The following WDPCP variants were observed in gnomAD, a reference collection of about 807,000 sequenced individuals.
The protein encoded by WDPCP is WD repeat-containing and planar cell polarity effector protein fritz homolog.
In WDPCP, 71 loss-of-function variants were observed where a neutral mutation model predicts 93.1. The observed-to-expected ratio is 0.76, with a 90% CI of 0.63 to 0.93. The LOEUF is 0.93. Ranked by LOEUF, WDPCP falls within the 40% of genes least tolerant of loss-of-function variation. The pLI is 0.00. For synonymous variants in WDPCP, 315 were observed against 315.0 expected (o/e 1.00, Z 0.00); for missense variants, 844 against 887.4 (o/e 0.95, Z 0.62).
At chr2:63,256,406 C>T (rs888472195) in intron 14 of WDPCP, among the ~76,000 whole-genome samples, 1 of 152,090 alleles carries the variant, frequency 6.6e-6, no homozygotes, top group Admixed American at 6.6e-5. Flanking sequence ...AATTACAATA[C>T]CTTTTCCACC....
At chr2:63,474,769 A>G (rs1456516993) in intron 6 of WDPCP, among the ~76,000 whole-genome samples, 1 of 152,156 alleles carries the variant, frequency 6.6e-6, no homozygotes, top group Non-Finnish European at 1.5e-5. Context: ...AAAAGAATAT[A>G]TGTAATGTAT....
chr2:63,242,890 T>G (rs964340322), intron 14 of WDPCP, among the ~76,000 whole-genome samples: 2 of 152,086 alleles, frequency 1.3e-5, no homozygotes, highest in African/African-American at 4.8e-5. Flanking sequence ...GGGATGCAAA[T>G]CTTCAATGAT....
intron 1 of WDPCP, among the ~76,000 whole-genome samples, chr2:63,540,793 G>A (rs1291883099): frequency 6.6e-6 from 1 of 151,966 alleles, no homozygotes; most frequent in Non-Finnish European, 1.5e-5. Context: ...TCACTCTGTT[G>A]CCCAGGCTGG....
At chr2:63,825,518 T>C (rs1209383972) in intron 1 of WDPCP, among the ~76,000 whole-genome samples, 1 of 151,566 alleles carries the variant, frequency 6.6e-6, no homozygotes, top group East Asian at 2.0e-4. Context: ...TCTCTTTCTC[T>C]GATGGCATCT....
chr2:63,702,686 C>T (rs1428786464), intron 2 of WDPCP, among the ~76,000 whole-genome samples: 1 of 151,734 alleles, frequency 6.6e-6, no homozygotes, highest in Non-Finnish European at 1.5e-5. Flanking sequence ...TGCAGGCGCC[C>T]ACCACCACAT....
intron 6 of WDPCP, among the ~76,000 whole-genome samples, chr2:63,444,673 A>G (rs558885423): frequency 2.6e-5 from 4 of 152,208 alleles, no homozygotes; most frequent in African/African-American, 4.8e-5. Flanking sequence ...GCATCTCTGA[A>G]GCAGATCTGA....
At chr2:63,754,782 G>A (rs1223455907) in intron 2 of WDPCP, among the ~76,000 whole-genome samples, 2 of 152,180 alleles carry the variant, frequency 1.3e-5, no homozygotes, top group Non-Finnish European at 2.9e-5. Flanking sequence ...AGCTGACTGG[G>A]TGTATTAATT....
At chr2:63,749,171 T>A (rs1669842350) in intron 2 of WDPCP, among the ~76,000 whole-genome samples, 1 of 152,104 alleles carries the variant, frequency 6.6e-6, no homozygotes, top group East Asian at 1.9e-4. Context: ...ATTTCAGCTC[T>A]TTTAAAGTAA....
intron 2 of WDPCP, among the ~76,000 whole-genome samples, chr2:63,740,522 T>C (rs1669697728): frequency 6.6e-6 from 1 of 152,178 alleles, no homozygotes; most frequent in Non-Finnish European, 1.5e-5. Flanking sequence ...TGTAAATAGA[T>C]ACCTTAGTGA....
At chr2:63,732,837 T>C (rs1046663301) in intron 2 of WDPCP, among the ~76,000 whole-genome samples, 1 of 152,096 alleles carries the variant, frequency 6.6e-6, no homozygotes, top group Non-Finnish European at 1.5e-5. Flanking sequence ...AGGGGAAGGG[T>C]GAATGATGAA....
At position 63,594,156 on chromosome 2, in the gene WDPCP, G is replaced by T. The variant is rs550469570; in HGVS notation, n.488+56503C>A. ...TGGGGGCTTTGCATAATAAGGATTT[G>T]TGTGGCTCTAGTGGCTGCCAGGGTT... On this transcript the variant is annotated intron_variant and non_coding_transcript_variant, in intron 3 of 4. Coordinates refer to the WDPCP transcript ENST00000467687. 4.7e-4 allele frequency: 217 copies of T among 465,626 alleles called. 2 individuals carry two copies. The highest frequency in any genetic ancestry group is 3.4e-3 in the South Asian group (209 of 60,826). 28.8% of individuals were successfully genotyped at this position (465,626 alleles called of 1,614,324 possible).
At chr2:63,620,232 G>A (rs575023750) in intron 3 of WDPCP, among the ~76,000 whole-genome samples, 24 of 152,312 alleles carry the variant, frequency 1.6e-4, no homozygotes, top group African/African-American at 5.8e-4. Flanking sequence ...TAGCTCAGCG[G>A]ATCCCACCCC....
At chr2:63,483,372 C>T (rs1048661046) in intron 6 of WDPCP, among the ~76,000 whole-genome samples, 16 of 151,936 alleles carry the variant, frequency 1.1e-4, no homozygotes, top group African/African-American at 3.6e-4. Context: ...TTTTTAAATG[C>T]CATCCTTTTT....
At chr2:63,252,514 C>A (rs1680816394) in intron 14 of WDPCP, among the ~76,000 whole-genome samples, 1 of 152,104 alleles carries the variant, frequency 6.6e-6, no homozygotes, top group African/African-American at 2.4e-5. Context: ...TGATTCTGTA[C>A]ATAGAAAACC....
At chr2:63,778,628 G>A (rs1399865683) in intron 2 of WDPCP, among the ~76,000 whole-genome samples, 1 of 152,002 alleles carries the variant, frequency 6.6e-6, no homozygotes, top group African/African-American at 2.4e-5. Context: ...TTCCTGTTAT[G>A]GTTTGCATAA....
At chr2:63,219,876 C>T (rs1271553880) in intron 14 of WDPCP, among the ~76,000 whole-genome samples, 1 of 151,996 alleles carries the variant, frequency 6.6e-6, no homozygotes, top group Non-Finnish European at 1.5e-5. Flanking sequence ...GGTGGCAGCA[C>T]CTATAGTCCC....
At chr2:63,442,921 T>C (rs1464488750) in intron 6 of WDPCP, 1 of 152,102 alleles carries the variant, frequency 6.6e-6, no homozygotes, top group Non-Finnish European at 1.5e-5. Context: ...ATGAGGGAAC[T>C]TATGCCGGAA....
At chr2:63,234,203 T>G (rs1175774976) in intron 14 of WDPCP, among the ~76,000 whole-genome samples, 1 of 152,184 alleles carries the variant, frequency 6.6e-6, no homozygotes, top group East Asian at 1.9e-4. Context: ...TATGTTAACT[T>G]TGAGCAAGTC....
intron 6 of WDPCP, among the ~76,000 whole-genome samples, chr2:63,447,270 A>G (rs1292152002): frequency 6.6e-6 from 1 of 152,190 alleles, no homozygotes; most frequent in Non-Finnish European, 1.5e-5. Flanking sequence ...GATAGCAGGC[A>G]TCTCACAGAG....
Sources: allele counts gnomAD v4.1 joint callset (sites outside exome capture counted in the v4.1 genomes callset), GRCh38; gene constraint gnomAD v4.1.1; transcripts MANE v1.5; gene names NCBI Gene and HGNC (gene_info 2026-07-23, HGNC 2026-07-21).